Variants in LIPC observed in about 807,000 individuals in gnomAD.
LIPC encodes the protein lipase C, hepatic type.
A neutral mutation model predicts 50.7 loss-of-function variants in LIPC; 44 were observed. The ratio of observed to expected loss-of-function variants is 0.87; its 90% CI spans 0.68 to 1.11. The LOEUF is 1.11. LIPC is among the 50% of genes most tolerant of loss of function. The pLI, the probability that LIPC is intolerant of heterozygous loss-of-function variation, is 0.00. For missense variants in LIPC, 697 were observed against 648.2 expected, an observed-to-expected ratio of 1.08 and a Z score of -0.82; for synonymous variants, 271 against 256.4, an observed-to-expected ratio of 1.06 and a Z score of -0.54.
rs10716717 is a variant in LIPC, at chr15:58,496,743, C to CAAAAAAAAAAAAAAAAAAAAAA, written c.89-41573_89-41572insAAAAAAAAAAAAAAAAAAAAAA. ...GCCCTGCTACAGAAGTCTTCCCCCT[C>CAAAAAAAAAAAAAAAAAAAAAA]AAAAAAAAAAAAAAAAATTAAGATG... On this transcript the variant is annotated intron_variant, in intron 1 of 8. Transcript: ENST00000299022. Among the ~76,000 whole-genome samples, 749 of 113,922 alleles carry CAAAAAAAAAAAAAAAAAAAAAA rather than the reference C, an allele frequency of 6.6e-3. 34 individuals carry two copies. Among genetic ancestry groups the CAAAAAAAAAAAAAAAAAAAAAA allele is most frequent in the Middle Eastern group, 0.011 (2 of 182 alleles). 74.7% of individuals were successfully genotyped at this position (113,922 alleles called of 152,430 possible).
At chr15:58,496,914 A>C (rs1473910878) in intron 1 of LIPC, among the ~76,000 whole-genome samples, 1 of 152,018 alleles carries the variant, frequency 6.6e-6, no homozygotes, top group Admixed American at 6.6e-5. Flanking sequence ...CCAACCCCTG[A>C]CCTCAGGTTA....
intron 4 of LIPC, among the ~76,000 whole-genome samples, chr15:58,545,251 C>CT (rs1278234371): frequency 7.0e-6 from 1 of 142,468 alleles, no homozygotes. Context: ...TTTTTTTTTT[C>CT]TTTTTGAGAC....
chr15:58,505,378 C>T (rs1892113181), intron 1 of LIPC, among the ~76,000 whole-genome samples: 1 of 152,168 alleles, frequency 6.6e-6, no homozygotes, highest in Non-Finnish European at 1.5e-5. Context: ...GATTCATGTA[C>T]TTTATAGGGT....
intron 1 of LIPC, among the ~76,000 whole-genome samples, chr15:58,517,817 T>C (rs1892529901): frequency 6.6e-6 from 1 of 152,212 alleles, no homozygotes; most frequent in Non-Finnish European, 1.5e-5. Flanking sequence ...CACTTGTGAT[T>C]CTGACAACAA....
intron 1 of LIPC, among the ~76,000 whole-genome samples, chr15:58,476,028 G>C (rs1444228456): frequency 6.6e-6 from 1 of 152,232 alleles, no homozygotes; most frequent in African/African-American, 2.4e-5. Context: ...CTTACACCAG[G>C]CAGCGTGCCA....
chr15:58,443,645 A>G (rs1474255049), intron 1 of LIPC, among the ~76,000 whole-genome samples: 1 of 151,882 alleles, frequency 6.6e-6, no homozygotes, highest in Non-Finnish European at 1.5e-5. Context: ...TCAAGACAAC[A>G]CCTGAGAAAG....
At chr15:58,476,154 CAA>C (rs1400800735) in intron 1 of LIPC, among the ~76,000 whole-genome samples, 2 of 152,234 alleles carry the variant, frequency 1.3e-5, no homozygotes, top group Non-Finnish European at 2.9e-5. Flanking sequence ...GCGATCTGCT[CAA>C]AGTCTTCAGC....
rs1233190543 is a variant in LIPC, at chr15:58,489,590, A to C, written c.89-48743A>C. Among the ~76,000 whole-genome samples, 8 of 152,296 alleles carry C rather than the reference A, an allele frequency of 5.3e-5. No homozygotes were observed. The East Asian group carries it at 1.5e-3, about 29-fold the overall frequency. On this transcript the variant is annotated intron_variant, in intron 1 of 8. Transcript: ENST00000299022. ...AGTCATGAGCCTCAAGTCCGGATGTAGTCAGTCTAAAAAACAACTCAAAAG... is the reference window on the plus strand; with the variant it reads ...AGTCATGAGCCTCAAGTCCGGATGTCGTCAGTCTAAAAAACAACTCAAAAG...
chr15:58,445,744 A>T (rs1241211216), intron 1 of LIPC, among the ~76,000 whole-genome samples: 1 of 152,170 alleles, frequency 6.6e-6, no homozygotes, highest in Non-Finnish European at 1.5e-5. Context: ...AGGCCTGCAG[A>T]CCTCGGTCAG....
chr15:58,524,743 AT>A (rs1595919638), intron 1 of LIPC, among the ~76,000 whole-genome samples: 1 of 152,140 alleles, frequency 6.6e-6, no homozygotes, highest in African/African-American at 2.4e-5. Context: ...TGGTTGGCCC[AT>A]TTTTTGTTCT....
chr15:58,515,550 A>ATG lies in LIPC; in HGVS notation c.89-22782_89-22781insGT, dbSNP rs1566935654. On this transcript the variant is annotated intron_variant, in intron 1 of 8. Transcript: ENST00000299022. ...TACACACACATATATATATATATAT[A>ATG]TATCTCAAAATATCACCAAAACCCA... Among the ~76,000 whole-genome samples, 4 of 151,134 alleles carry ATG rather than the reference A, an allele frequency of 2.6e-5. No individual in the cohort carries two copies. The South Asian group carries it at 8.3e-4, about 31-fold the overall frequency.
Position 58,563,735 on chromosome 15 carries a change from T to C in LIPC, c.1388+12T>C, listed in dbSNP as rs778665421. On this transcript the variant is annotated intron_variant, in intron 8 of 8. Transcript: ENST00000299022. ...GAAACCCAGCAAAGGTGACTGCTGA[T>C]TCAATCTCCTATTAACGTCCATTAA... 32 of 1,607,216 alleles carry C rather than the reference T, an allele frequency of 2.0e-5. No homozygotes were observed. Among genetic ancestry groups the C allele is most frequent in the Non-Finnish European group, 2.6e-5 (30 of 1,175,978 alleles).
intron 1 of LIPC, among the ~76,000 whole-genome samples, chr15:58,474,338 G>C (rs1214036545): frequency 3.9e-5 from 6 of 152,130 alleles, no homozygotes; most frequent in Non-Finnish European, 8.8e-5. Flanking sequence ...GCAATATAAA[G>C]AGACCCCATC....
At chr15:58,554,817 A>G (rs1893878556) in intron 6 of LIPC, among the ~76,000 whole-genome samples, 1 of 152,228 alleles carries the variant, frequency 6.6e-6, no homozygotes, top group South Asian at 2.1e-4. Context: ...ACTCATTTAT[A>G]TTTAAAGTTA....
At chr15:58,497,919 A>G (rs1205209344) in intron 1 of LIPC, 2 of 152,084 alleles carry the variant, frequency 1.3e-5, no homozygotes, top group Non-Finnish European at 2.9e-5. Flanking sequence ...CCAACACACA[A>G]TTATGTATTC....
chr15:58,509,827 A>C (rs4775067), intron 1 of LIPC, among the ~76,000 whole-genome samples: 108,709 of 151,958 alleles, frequency 0.72, 39,015 homozygotes, highest in Middle Eastern at 0.79. Flanking sequence ...ATTACATAAT[A>C]TGATAGGAAT....
chr15:58,512,771 C>T (rs1229848139), intron 1 of LIPC, among the ~76,000 whole-genome samples: 2 of 151,908 alleles, frequency 1.3e-5, no homozygotes, highest in Admixed American at 6.6e-5. Context: ...AGGTAGGAGG[C>T]GGGGAAAGGG....
intron 1 of LIPC, among the ~76,000 whole-genome samples, chr15:58,434,400 A>C (rs1478193795): frequency 6.6e-6 from 1 of 152,056 alleles, no homozygotes; most frequent in East Asian, 1.9e-4. Context: ...TGTGCCAGGC[A>C]CTCCACGGAC....
intron 1 of LIPC, chr15:58,437,061 A>G (rs1224420905): frequency 1.4e-5 from 5 of 357,218 alleles, no homozygotes; most frequent in East Asian, 7.3e-5. Context: ...TCGAACAGGC[A>G]TGGTTTTGAA....
Sources: allele counts gnomAD v4.1 joint callset (sites outside exome capture counted in the v4.1 genomes callset), GRCh38; gene constraint gnomAD v4.1.1; transcripts MANE v1.5; gene names NCBI Gene and HGNC (gene_info 2026-07-23, HGNC 2026-07-21).